Variants in PHAF1 observed in about 807,000 individuals in gnomAD.
PHAF1 encodes phagophore assembly factor 1.
In PHAF1, 23 loss-of-function variants were observed where a neutral mutation model predicts 63.1. The ratio of observed to expected loss-of-function variants is 0.36; its 90% CI spans 0.26 to 0.52. PHAF1 has a LOEUF of 0.52. Ranked by LOEUF, PHAF1 falls within the 20% of genes least tolerant of loss-of-function variation. PHAF1 has a pLI of 0.93. For synonymous variants in PHAF1, 167 were observed against 185.0 expected (o/e 0.90, Z 0.79); for missense variants, 427 against 517.2 (o/e 0.83, Z 1.69).
In PHAF1 at chr16:67,134,453, G is replaced by A. The variant is rs762355142; in HGVS notation, c.647G>A (p.Arg216His). The A allele has an allele frequency of 8.1e-6, 13 of 1,612,128 alleles. No homozygotes were observed. The highest frequency in any genetic ancestry group is 2.2e-5 in the East Asian group (1 of 44,892). ...ACTGGACCTGCAGGTTTACGACTTC[G>A]CCTACTTGCTGCAGGTCAGTGACTG... ...DGTGPAGLRL[R>H]LLAAGCGPGL... The change falls in exon 8 of 16, where the codon CGC (arginine) becomes CAC (histidine). Residue 216 changes from arginine (R) to histidine (H), a missense_variant. Transcript: ENST00000219139.
intron 6 of PHAF1, 88 bp downstream of exon 6, chr16:67,132,999 G>A (rs1364349961): frequency 4.4e-5 from 47 of 1,075,488 alleles, no homozygotes; most frequent in Non-Finnish European, 2.2e-5. Flanking sequence ...TAGAGGAGTG[G>A]GTATTAGATA....
chr16:67,145,577 A>T lies in PHAF1; in HGVS notation c.1058A>T (p.Asn353Ile), dbSNP rs1215974408. ...CCTCTATCCCTCTTGCAGTGGGACA[A>T]CATCCAGGAGCTCCTGGGCCACCCT... ...ETCTTYSKWD[N>I]IQELLGHPVE... Residue 353 changes from asparagine (N) to isoleucine (I), a missense_variant, in exon 14 of 16, where the codon AAC becomes ATC. By Grantham distance (149) the Asn-to-Ile change is moderately radical (BLOSUM62 -3). Coordinates refer to ENST00000219139, the MANE Select transcript of PHAF1 (RefSeq NM_025187.5). 1 of 1,614,032 alleles carries T rather than the reference A, an allele frequency of 6.2e-7. No individual in the cohort carries two copies. The highest frequency in any genetic ancestry group is 8.5e-7 in the Non-Finnish European group (1 of 1,179,970).
chr16:67,122,047 G>A (rs531826601), intron 2 of PHAF1, among the ~76,000 whole-genome samples: 1 of 152,066 alleles, frequency 6.6e-6, no homozygotes, highest in East Asian at 1.9e-4. Context: ...ACAGGTTCAT[G>A]CCACCAGGCC....
intron 2 of PHAF1, among the ~76,000 whole-genome samples, chr16:67,123,279 T>TA (rs879410858): frequency 2.3e-4 from 33 of 146,648 alleles, no homozygotes; most frequent in Middle Eastern, 3.5e-3. Context: ...ATCTGGCTAT[T>TA]AAAAAAAAAA....
Position 67,147,075 on chromosome 16 carries a change from A to T in PHAF1, c.1213A>T (p.Thr405Ser), listed in dbSNP as rs145580230. The part of the protein sequence containing the change: ...VMQNNHIASV[T>S]LYGPPRPGSH... Reference sequence around the variant, plus strand: ...GCAGAACAACCACATTGCCTCGGTGACCCTGTATGGCCCCCCCAGGCCTGG... The same window carrying T: ...GCAGAACAACCACATTGCCTCGGTGTCCCTGTATGGCCCCCCCAGGCCTGG... The change falls in exon 16 of 16, where the codon ACC (threonine) becomes TCC (serine). Residue 405 changes from threonine to serine, a missense_variant. Thr to Ser is a moderately conservative substitution (Grantham distance 58, BLOSUM62 1). Transcript: ENST00000219139. The T allele has an allele frequency of 6.2e-4, 993 of 1,613,846 alleles. 4 individuals carry two copies. The highest frequency in any genetic ancestry group is 3.0e-3 in the Middle Eastern group (18 of 6,062).
Position 67,146,263 on chromosome 16 carries a change from A to T in PHAF1, c.1110-15A>T. ...CCTCTGTCTGCCTCTCTAATTCTGA[A>T]TTCTTTGGCCTCAGGTCTTCCTCCC... On this transcript the variant is annotated splice_polypyrimidine_tract_variant and intron_variant, in intron 14 of 15. Transcript: ENST00000219139. The T allele has an allele frequency of 6.2e-7, 1 of 1,611,216 alleles. No individual in the cohort carries two copies. The highest frequency in any genetic ancestry group is 2.2e-5 in the East Asian group (1 of 44,864).
chr16:67,147,278 G>A lies in PHAF1; in HGVS notation c.*147G>A. 1 of 737,138 alleles carries A rather than the reference G, an allele frequency of 1.4e-6. No homozygotes were observed. The highest frequency in any genetic ancestry group is 2.2e-6 in the Non-Finnish European group (1 of 447,866). 45.7% of individuals were successfully genotyped at this position (737,138 alleles called of 1,614,324 possible). ...TGTTCTGAGGTTGGGCTCAGGCTGG[G>A]TGCTCTGCCATGGGCTGAGTGGCCC... On this transcript the variant is annotated 3_prime_UTR_variant, in exon 16 of 16. Coordinates refer to ENST00000219139, the MANE Select transcript of PHAF1 (RefSeq NM_025187.5).
At chr16:67,144,808 C>G (rs866115782) in intron 11 of PHAF1, 26 bp from the exon 12 acceptor site, 1 of 1,613,506 alleles carries the variant, frequency 6.2e-7, no homozygotes, top group Middle Eastern at 1.7e-4. Flanking sequence ...GGAGGCCCAG[C>G]CTTTACCCAT....
intron 4 of PHAF1, chr16:67,131,844 A>C (rs1963414627): frequency 6.6e-6 from 1 of 152,602 alleles, no homozygotes; most frequent in Non-Finnish European, 1.5e-5. Context: ...CCTGCATCTA[A>C]AAATCTAGAA....
chr16:67,129,287 A>G (rs1963303604), intron 3 of PHAF1, among the ~76,000 whole-genome samples: 1 of 152,190 alleles, frequency 6.6e-6, no homozygotes, highest in Non-Finnish European at 1.5e-5. Flanking sequence ...CACCTTCCCT[A>G]TGCAAATTAA....
rs750308105 is a variant in PHAF1 at position 67,117,199 on chromosome 16, ATTTTTTT to A, written c.65-2896_65-2890del. On this transcript the variant is annotated intron_variant, in intron 1 of 15. Coordinates refer to ENST00000219139, the MANE Select transcript of PHAF1 (RefSeq NM_025187.5). Reference sequence around the variant, plus strand: ...AGGCACACACCACCATGCCCAGCTAATTTTTTTTTTTTTTTTTTTTTTTGTATTTTTA... The same window carrying A: ...AGGCACACACCACCATGCCCAGCTAATTTTTTTTTTTTTTTTGTATTTTTA... Among the ~76,000 whole-genome samples, 76 of 111,952 alleles carry A rather than the reference ATTTTTTT, an allele frequency of 6.8e-4. 1 individual carries two copies. Among genetic ancestry groups the A allele is most frequent in the Admixed American group, 1.7e-3 (19 of 10,940 alleles). 73.4% of individuals were successfully genotyped at this position (111,952 alleles called of 152,430 possible).
At chr16:67,144,084 A>C (rs570942646) in intron 10 of PHAF1, among the ~76,000 whole-genome samples, 41 of 152,356 alleles carry the variant, frequency 2.7e-4, no homozygotes, top group Non-Finnish European at 5.1e-4. Context: ...CCTCCATGAC[A>C]GAGTGAGACT....
intron 8 of PHAF1, 41 bp downstream of exon 8, chr16:67,134,508 CCCA>C (rs745586099): frequency 6.7e-7 from 1 of 1,493,806 alleles, no homozygotes; most frequent in Admixed American, 1.7e-5. Context: ...CCGCATTATA[CCCA>C]TGTTGAGACA....
chr16:67,146,185 G>A (rs1597220665), intron 14 of PHAF1, 93 bp from the exon 15 acceptor site: 2 of 1,126,094 alleles, frequency 1.8e-6, no homozygotes, highest in Non-Finnish European at 2.7e-6. Context: ...AGAGACTACT[G>A]GCCAGTATCC....
At chr16:67,131,019 A>G (rs1456928880) in intron 3 of PHAF1, among the ~76,000 whole-genome samples, 2 of 152,130 alleles carry the variant, frequency 1.3e-5, no homozygotes, top group Non-Finnish European at 2.9e-5. Flanking sequence ...TTGGGAGGCT[A>G]AGACAGGAGG....
intron 2 of PHAF1, among the ~76,000 whole-genome samples, chr16:67,120,591 TCTAG>T (rs1962932456): frequency 6.7e-6 from 1 of 148,558 alleles, no homozygotes; most frequent in African/African-American, 2.5e-5. Context: ...AGTGCAGATC[TCTAG>T]CTAGCACGGC....
Position 67,120,184 on chromosome 16 carries a change from A to G in PHAF1, c.137A>G (p.Tyr46Cys). The change falls in exon 2 of 16, where the codon TAC (tyrosine) becomes TGC (cysteine). Residue 46 changes from tyrosine to cysteine, a missense_variant. Coordinates refer to ENST00000219139, the MANE Select transcript of PHAF1 (RefSeq NM_025187.5). Reference sequence around the variant, plus strand: ...ATCATCAAAAACGTCCAGGTTCTCTACAGTGAACAGGTGAGTGGTGGCTGA... The same window carrying G: ...ATCATCAAAAACGTCCAGGTTCTCTGCAGTGAACAGGTGAGTGGTGGCTGA... ...CRIIKNVQVL[Y>C]SEQSPLSHDL... 1 of 1,613,692 alleles carries G rather than the reference A, an allele frequency of 6.2e-7. No individual in the cohort carries two copies. The highest frequency in any genetic ancestry group is 8.5e-7 in the Non-Finnish European group (1 of 1,179,664).
At chr16:67,132,176 G>A (rs1963428519) in intron 4 of PHAF1, 1 of 317,188 alleles carries the variant, frequency 3.2e-6, no homozygotes, top group Middle Eastern at 9.8e-4. Flanking sequence ...CTCAGGGTCT[G>A]GTGGCTTCTC....
At chr16:67,140,441 T>C in intron 9 of PHAF1, 70 bp from the exon 10 acceptor site, 1 of 1,296,702 alleles carries the variant, frequency 7.7e-7, no homozygotes, top group South Asian at 1.2e-5. Flanking sequence ...ACACAATTTG[T>C]AGACTTTCAG....
Sources: allele counts gnomAD v4.1 joint callset (sites outside exome capture counted in the v4.1 genomes callset), GRCh38; gene constraint gnomAD v4.1.1; transcripts MANE v1.5; gene names NCBI Gene and HGNC (gene_info 2026-07-23, HGNC 2026-07-21).